Variants in DIAPH2 observed in about 807,000 individuals in gnomAD.
The protein encoded by DIAPH2 is diaphanous related formin 2, also known as protein diaphanous homolog 2.
In DIAPH2, 35 loss-of-function variants were observed where a neutral mutation model predicts 92.7. That is an observed-to-expected ratio of 0.38 (90% CI 0.29 to 0.50). The LOEUF (loss-of-function observed/expected upper bound fraction) is 0.50. Ranked by LOEUF, DIAPH2 falls within the 20% of genes least tolerant of loss-of-function variation. The pLI is 0.94. For missense variants in DIAPH2, 701 were observed against 819.5 expected (o/e 0.86, Z 1.77); for synonymous variants, 301 against 280.4 (o/e 1.07, Z -0.73).
At chrX:97,178,546 G>A (rs776680606) in intron 22 of DIAPH2, among the ~76,000 whole-genome samples, 4 of 94,165 alleles carry the variant, frequency 4.2e-5, no homozygotes, top group Non-Finnish European at 8.1e-5. Flanking sequence ...TCCACCTCCC[G>A]AGTTCAAGCA....
chrX:96,809,804 G>T (rs1227281692), intron 4 of DIAPH2, among the ~76,000 whole-genome samples: 6 of 111,606 alleles, frequency 5.4e-5, no homozygotes, highest in African/African-American at 2.0e-4. Flanking sequence ...TGCTCAGAAT[G>T]ATGGTTTCCA....
At chrX:96,834,981 C>G (rs991443829) in intron 4 of DIAPH2, among the ~76,000 whole-genome samples, 1 of 111,891 alleles carries the variant, frequency 8.9e-6, no homozygotes, top group Non-Finnish European at 1.9e-5. Context: ...ACTAGTTGAT[C>G]AGTTATTTAT....
intron 26 of DIAPH2, among the ~76,000 whole-genome samples, chrX:97,584,857 G>T (rs1314782598): frequency 1.8e-5 from 2 of 112,544 alleles, no homozygotes. Flanking sequence ...TTGCAAGTTG[G>T]TCCACAAGGA....
chrX:97,532,952 T>TA (rs1286775517), intron 26 of DIAPH2, among the ~76,000 whole-genome samples: 1 of 111,587 alleles, frequency 9.0e-6, no homozygotes, highest in Non-Finnish European at 1.9e-5. Flanking sequence ...TTAATCTTAG[T>TA]GGATAAGGTA....
At chrX:97,089,869 A>C (rs992362336) in intron 19 of DIAPH2, among the ~76,000 whole-genome samples, 2 of 110,457 alleles carry the variant, frequency 1.8e-5, no homozygotes, top group African/African-American at 6.6e-5. Flanking sequence ...CTGGGACTAC[A>C]GGTGCCCGCC....
chrX:97,260,386 C>T (rs1192765977), intron 23 of DIAPH2, among the ~76,000 whole-genome samples: 1 of 112,377 alleles, frequency 8.9e-6, no homozygotes, highest in East Asian at 2.8e-4. Flanking sequence ...AACCTAGTTA[C>T]AAGGACTGCC....
intron 26 of DIAPH2, among the ~76,000 whole-genome samples, chrX:97,552,572 T>A (rs1206985849): frequency 9.1e-6 from 1 of 110,191 alleles, no homozygotes; most frequent in Non-Finnish European, 1.9e-5. Context: ...TTTCTTTTTT[T>A]TTTTTTTCCT....
intron 22 of DIAPH2, among the ~76,000 whole-genome samples, chrX:97,204,336 G>A (rs2067778156): frequency 9.0e-6 from 1 of 111,406 alleles, no homozygotes; most frequent in East Asian, 2.8e-4. Flanking sequence ...AATCAGGCAG[G>A]AGAAAGAAAT....
chrX:96,866,700 A>C (rs960056965), intron 4 of DIAPH2, among the ~76,000 whole-genome samples: 2 of 112,308 alleles, frequency 1.8e-5, no homozygotes, highest in African/African-American at 6.5e-5. Context: ...TGAAAGGCTC[A>C]TTCATTTTGT....
At chrX:97,514,359 A>G (rs2070922483) in intron 26 of DIAPH2, among the ~76,000 whole-genome samples, 2 of 111,922 alleles carry the variant, frequency 1.8e-5, no homozygotes, top group Admixed American at 9.4e-5. Context: ...TTTCAGCTCC[A>G]TCAGCTCCTT....
At chrX:96,985,816 G>T (rs2066027809) in intron 17 of DIAPH2, among the ~76,000 whole-genome samples, 1 of 110,275 alleles carries the variant, frequency 9.1e-6, no homozygotes, top group Non-Finnish European at 1.9e-5. Context: ...ATATTATCAT[G>T]CCTGTTATGT....
intron 23 of DIAPH2, among the ~76,000 whole-genome samples, chrX:97,294,580 G>A (rs986917828): frequency 2.7e-5 from 3 of 111,205 alleles, no homozygotes; most frequent in African/African-American, 9.8e-5. Flanking sequence ...TCACACAGAT[G>A]ATTATAGGAA....
At chrX:96,923,515 C>T (rs773495385) in intron 9 of DIAPH2, among the ~76,000 whole-genome samples, 8 of 112,134 alleles carry the variant, frequency 7.1e-5, no homozygotes, top group Admixed American at 2.8e-4. Context: ...ATGGTGAGAA[C>T]GACTTTTTGG....
At chrX:97,285,383 C>CAAAAA (rs11336007) in intron 23 of DIAPH2, among the ~76,000 whole-genome samples, 20 of 38,115 alleles carry the variant, frequency 5.2e-4, no homozygotes, top group Non-Finnish European at 6.3e-4. Flanking sequence ...ACTAAAAATA[C>CAAAAA]AAAAAAAAAA....
At chrX:96,895,766 G>A (rs1482705043) in intron 5 of DIAPH2, among the ~76,000 whole-genome samples, 1 of 111,873 alleles carries the variant, frequency 8.9e-6, no homozygotes, top group African/African-American at 3.2e-5. Flanking sequence ...TAGTTACTGG[G>A]TTTATTGAAA....
At chrX:97,404,190 A>G (rs1382055256) in intron 25 of DIAPH2, among the ~76,000 whole-genome samples, 1 of 111,975 alleles carries the variant, frequency 8.9e-6, no homozygotes, top group African/African-American at 3.2e-5. Context: ...GTTCAGGGAA[A>G]TACCAGCTGT....
At chrX:96,826,832 C>T (rs1442653411) in intron 4 of DIAPH2, among the ~76,000 whole-genome samples, 1 of 111,939 alleles carries the variant, frequency 8.9e-6, no homozygotes, top group African/African-American at 3.2e-5. Context: ...AGTGGTCCTC[C>T]CATCTCAGCC....
intron 25 of DIAPH2, among the ~76,000 whole-genome samples, chrX:97,424,811 G>A (rs982640093): frequency 9.1e-6 from 1 of 110,010 alleles, no homozygotes; most frequent in Non-Finnish European, 1.9e-5. Context: ...TTTTTGTAAA[G>A]ATGGGGTTTC....
chrX:97,410,254 T>C (rs1271948279), intron 25 of DIAPH2, among the ~76,000 whole-genome samples: 1 of 112,144 alleles, frequency 8.9e-6, no homozygotes, highest in Non-Finnish European at 1.9e-5. Flanking sequence ...CTGCTGGTGA[T>C]ACCCAGGCAA....
Sources: gnomAD v4.1 joint callset for allele counts (sites outside exome capture counted in the v4.1 genomes callset) on GRCh38, gnomAD v4.1.1 for gene constraint, MANE v1.5 for transcripts, NCBI Gene and HGNC (gene_info 2026-07-23, HGNC 2026-07-21) for gene names.